The following PHC2 variants were observed in gnomAD, a reference collection of about 807,000 sequenced individuals.
The protein encoded by PHC2 is polyhomeotic homolog 2.
A neutral mutation model predicts 87.4 loss-of-function variants in PHC2; 29 were observed. The observed-to-expected ratio is 0.33, with a 90% confidence interval of 0.25 to 0.45. PHC2 has a LOEUF of 0.45. PHC2 is among the 20% of genes least tolerant of loss of function. The pLI is 1.00. For synonymous variants in PHC2, 438 were observed against 461.7 expected (o/e 0.95, Z 0.66); for missense variants, 857 against 1,136.7 (o/e 0.75, Z 3.54).
chr1:33,374,582 G>A (rs1041696551), intron 2 of PHC2, among the ~76,000 whole-genome samples: 9 of 152,152 alleles, frequency 5.9e-5, no homozygotes, highest in African/African-American at 1.9e-4. Context: ...GTTCAAAGCA[G>A]GATGAGGTCA....
intron 1 of PHC2, among the ~76,000 whole-genome samples, chr1:33,408,119 A>C (rs2148387689): frequency 6.6e-6 from 1 of 152,246 alleles, no homozygotes; most frequent in South Asian, 2.1e-4. Context: ...TATTTCTCTC[A>C]GTTTTTTAAG....
chr1:33,416,741 T>A (rs558184740), intron 1 of PHC2, among the ~76,000 whole-genome samples: 1 of 152,202 alleles, frequency 6.6e-6, no homozygotes, highest in African/African-American at 2.4e-5. Flanking sequence ...ATAGAACTTT[T>A]CAGACAAACA....
In PHC2 at chr1:33,400,408, A is replaced by C. The variant is rs112484581; in HGVS notation, c.-54-24815T>G. On this transcript the variant is annotated intron_variant, in intron 1 of 14. Transcript: ENST00000683057. The stretch of plus-strand genomic sequence containing the variant: ...TATTTATCAGTAGCGCAGTACTAGG[A>C]GTAATAATAGCAGCAAAGGCAAGAA... Among the ~76,000 whole-genome samples, 926 of 152,356 alleles carry C rather than the reference A, an allele frequency of 6.1e-3. 15 individuals are homozygous for C. Among genetic ancestry groups the C allele is most frequent in the African/African-American group, 0.021 (889 of 41,592 alleles).
At chr1:33,396,882 A>G (rs765382937) in intron 1 of PHC2, among the ~76,000 whole-genome samples, 2 of 152,214 alleles carry the variant, frequency 1.3e-5, no homozygotes, top group African/African-American at 4.8e-5. Context: ...TCCCACACAG[A>G]CACAAGAGGA....
At chr1:33,335,327 C>T (rs767493677) in intron 9 of PHC2, 9 of 985,374 alleles carry the variant, frequency 9.1e-6, no homozygotes, top group South Asian at 4.7e-5. Context: ...TCAACTGCCC[C>T]GTGAGCTGAG....
chr1:33,355,079 C>T lies in PHC2; in HGVS notation c.1151G>A (p.Ser384Asn). Residue 384 changes from serine to asparagine, a missense_variant, in exon 8 of 15, where the codon AGC (serine) becomes AAC (asparagine). Ser to Asn is a conservative substitution (Grantham distance 46). This residue lies in a region of PHC2 where 832 missense variants were observed against 1,081.8 expected (regional missense o/e 0.77). Transcript: ENST00000683057. Reference protein sequence around the residue: ...PHPQLASVSPSVALQPSSEAH... With the variant: ...PHPQLASVSPNVALQPSSEAH... ...CTCTGAGCTGGGCTGGAGGGCCACG[C>T]TTGGAGAGACTGAGGCGAGCTGGGG... is the stretch of plus-strand genomic sequence containing the variant. The T allele has an allele frequency of 6.2e-7, 1 of 1,612,704 alleles. No individual in the cohort carries two copies.
rs371542394 is a variant in PHC2, at chr1:33,334,520, A to T, written c.1559-228T>A. Reference sequence around the variant, plus strand: ...CAGTTCCACAACAACGCATGCAGCTAATCAGCTAGCAGTGTTTCTTCATTT... The same window carrying T: ...CAGTTCCACAACAACGCATGCAGCTTATCAGCTAGCAGTGTTTCTTCATTT... On this transcript the variant is annotated intron_variant, in intron 9 of 14. Transcript: ENST00000683057. This position sits in a 1 kb window ranked among gnomAD's most constrained non-coding sequence, Gnocchi z 5.5. 5.3e-5 allele frequency among the ~76,000 whole-genome samples: 8 copies of T among 152,358 alleles called. No individual in the cohort carries two copies. The highest frequency in any genetic ancestry group is 2.0e-4 in the Admixed American group (3 of 15,308).
intron 9 of PHC2, among the ~76,000 whole-genome samples, chr1:33,351,367 C>T (rs1646968760): frequency 6.6e-6 from 1 of 152,158 alleles, no homozygotes; most frequent in Non-Finnish European, 1.5e-5. Context: ...ATGGTTTTGG[C>T]CATTGGGCTG....
At chr1:33,337,039 T>A (rs1646652323) in intron 9 of PHC2, among the ~76,000 whole-genome samples, 1 of 152,260 alleles carries the variant, frequency 6.6e-6, no homozygotes, top group Admixed American at 6.5e-5. Context: ...CTAAGAAACA[T>A]CTATTTTATT....
At chr1:33,333,990 T>C in intron 10 of PHC2, 100 bp downstream of exon 10, 10 of 1,026,902 alleles carry the variant, frequency 9.7e-6, no homozygotes, top group Non-Finnish European at 1.3e-5. Flanking sequence ...AAAGAGCAAA[T>C]TGTTCACATT....
chr1:33,351,521 C>T (rs1042890409), intron 9 of PHC2, among the ~76,000 whole-genome samples: 2 of 152,118 alleles, frequency 1.3e-5, no homozygotes, highest in African/African-American at 4.8e-5. Context: ...TCGCATTTTA[C>T]TTTCTATTGT....
rs1396890123 is a variant in PHC2 at position 33,349,806 on chromosome 1, G to T, written c.1558+4595C>A. On this transcript the variant is annotated intron_variant, in intron 9 of 14. Transcript: ENST00000683057. The surrounding 1 kb of genome is among the most constrained non-coding windows in gnomAD (Gnocchi z 4.2). ...GCCGGGGCGCGAGGCCGGGACGGGG[G>T]CGCGAGGCCGGGGCGGGAGCGCGGG... 1.0e-6 allele frequency: 1 copy of T among 977,312 alleles called. No individual in the cohort carries two copies. The highest frequency in any genetic ancestry group is 1.2e-6 in the Non-Finnish European group (1 of 825,304). 60.5% of individuals were successfully genotyped at this position (977,312 alleles called of 1,614,324 possible). A position where few individuals can be genotyped will look rare whatever the true frequency, so the allele number is the denominator to read the frequency against.
intron 9 of PHC2, among the ~76,000 whole-genome samples, chr1:33,351,910 C>T (rs1355478248): frequency 6.9e-6 from 1 of 144,990 alleles, no homozygotes; most frequent in Non-Finnish European, 1.5e-5. Context: ...TGAGATCACA[C>T]CACTGCACTC....
intron 9 of PHC2, chr1:33,347,215 G>A (rs1646861033): frequency 7.1e-6 from 7 of 985,414 alleles, no homozygotes; most frequent in South Asian, 9.4e-5. Flanking sequence ...GGGTCAGTCC[G>A]CTTAGACTAG....
intron 2 of PHC2, among the ~76,000 whole-genome samples, chr1:33,374,731 G>C (rs1192910617): frequency 2.6e-5 from 4 of 152,188 alleles, no homozygotes; most frequent in African/African-American, 9.7e-5. Context: ...TCTGGGGTGA[G>C]AGGTTCAATT....
At chr1:33,388,398 A>G (rs1026762422) in intron 1 of PHC2, among the ~76,000 whole-genome samples, 1 of 145,526 alleles carries the variant, frequency 6.9e-6, no homozygotes, top group African/African-American at 2.6e-5. Context: ...ATCCTGGCTC[A>G]CCGCAACCTC....
Position 33,375,486 on chromosome 1 carries a change from G to A in PHC2, c.54C>T (p.Ser18=). 6.2e-7 allele frequency: 1 copy of A among 1,611,404 alleles called. No individual in the cohort carries two copies. The highest frequency in any genetic ancestry group is 8.5e-7 in the Non-Finnish European group (1 of 1,178,796). The change falls in exon 2 of 15, where the codon AGC becomes AGT. Residue 18 remains serine, a synonymous_variant. Coordinates refer to ENST00000683057, the MANE Select transcript of PHC2 (RefSeq NM_001385109.1). The part of the protein sequence containing the change: ...PHTSSSACAT[S]STSGASSSSG... ...TGCTGCTACTGGCCCCGCTGGTACT[G>A]CTGGTGGCACAGGCACTGCTAGATG... is the stretch of plus-strand genomic sequence containing the variant.
At chr1:33,384,888 A>G (rs767455190) in intron 1 of PHC2, among the ~76,000 whole-genome samples, 6 of 152,238 alleles carry the variant, frequency 3.9e-5, no homozygotes, top group Non-Finnish European at 8.8e-5. Context: ...TGAGGAATGA[A>G]TAAAGCTTGA....
chr1:33,334,615 T>C lies in PHC2; in HGVS notation c.1559-323A>G, dbSNP rs907392470. ...TTCTATCTTTGAGGAGTTAAGACCT[T>C]GGTCGATACTGATTTGAACAAATAA... On this transcript the variant is annotated intron_variant, in intron 9 of 14. Coordinates refer to ENST00000683057, the MANE Select transcript of PHC2 (RefSeq NM_001385109.1). The surrounding 1 kb of genome is among the most constrained non-coding windows in gnomAD (Gnocchi z 5.5). Among the ~76,000 whole-genome samples, 1 of 152,218 alleles carries C rather than the reference T, an allele frequency of 6.6e-6. No individual in the cohort carries two copies. The highest frequency in any genetic ancestry group is 1.5e-5 in the Non-Finnish European group (1 of 68,040).
Sources: gnomAD v4.1 joint callset for allele counts (sites outside exome capture counted in the v4.1 genomes callset) on GRCh38, gnomAD v4.1.1 for gene constraint, gnomAD v4.1.1 regional missense constraint, Gnocchi (gnomAD v3.1) non-coding constraint, MANE v1.5 for transcripts, NCBI Gene and HGNC (gene_info 2026-07-23, HGNC 2026-07-21) for gene names.